The following MRPL19 variants were observed in gnomAD, a reference collection of about 807,000 sequenced individuals.
MRPL19 encodes mitochondrial ribosomal protein L19.
A neutral mutation model predicts 34.0 loss-of-function variants in MRPL19; 31 were observed. The ratio of observed to expected loss-of-function variants is 0.91; its 90% CI spans 0.68 to 1.23. The LOEUF (loss-of-function observed/expected upper bound fraction) is 1.23. Ranked by LOEUF, MRPL19 falls within the 50% of genes most tolerant of loss-of-function variation. The pLI, the probability that MRPL19 is intolerant of heterozygous loss-of-function variation, is 0.00. For synonymous variants in MRPL19, 152 were observed against 127.7 expected (o/e 1.19, Z -1.28); for missense variants, 384 against 367.6 (o/e 1.04, Z -0.37).
In MRPL19 at chr2:75,661,931, A is replaced by G. The variant is rs1344040069; in HGVS notation, c.*6646A>G. 6.6e-6 allele frequency: 1 copy of G among 152,138 alleles called. No homozygotes were observed. Among genetic ancestry groups the G allele is most frequent in the Non-Finnish European group, 1.5e-5 (1 of 68,022 alleles). The allele number at this position is 152,138 out of a possible 1,614,324, so 9.4% of individuals were successfully genotyped here. ...TGAGAGCAGACATCCTTGCTTTAAT[A>G]TTTCACCATTATATATGATGTTAGG... On this transcript the variant is annotated 3_prime_UTR_variant, in exon 6 of 6. Transcript: ENST00000393909.
At chr2:75,649,370 C>T (rs542532495) in intron 2 of MRPL19, among the ~76,000 whole-genome samples, 2 of 152,192 alleles carry the variant, frequency 1.3e-5, no homozygotes, top group South Asian at 2.1e-4. Flanking sequence ...TGTGGCCCAA[C>T]ACAAATCTGT....
chr2:75,660,083 CTTT>C lies in MRPL19; in HGVS notation c.*4801_*4803del, dbSNP rs914997553. On this transcript the variant is annotated 3_prime_UTR_variant, in exon 6 of 6. Transcript: ENST00000393909. ...AGACTTGATTATTGCAGTTGCCCTT[CTTT>C]TTATTTTTTTCAAGTTTGTTGATTC... Among the ~76,000 whole-genome samples, 7 of 151,870 alleles carry C rather than the reference CTTT, an allele frequency of 4.6e-5. No homozygotes were observed. The highest frequency in any genetic ancestry group is 2.1e-4 in the South Asian group (1 of 4,812).
At position 75,658,475 on chromosome 2, in the gene MRPL19, T is replaced by A. The variant is rs1312489855; in HGVS notation, c.*3190T>A. ...CTGCAGTAAACATTGACATAACAAG[T>A]ATGTATTTGATTGCCTGTTTCTAAG... On this transcript the variant is annotated 3_prime_UTR_variant, in exon 6 of 6. Transcript: ENST00000393909. 6.6e-6 allele frequency among the ~76,000 whole-genome samples: 1 copy of A among 152,184 alleles called. No homozygotes were observed.
intron 1 of MRPL19, 80 bp downstream of exon 1, chr2:75,646,990 G>A: frequency 6.7e-7 from 1 of 1,484,084 alleles, no homozygotes; most frequent in Non-Finnish European, 9.0e-7. Context: ...GGAGATCAGA[G>A]GCAACCCCAG....
intron 3 of MRPL19, 111 bp downstream of exon 3, chr2:75,652,371 T>C (rs1678351602): frequency 2.3e-6 from 3 of 1,280,284 alleles, no homozygotes; most frequent in Middle Eastern, 2.0e-4. Flanking sequence ...ATATCTGGGT[T>C]ATGCTCATAT....
At chr2:75,654,695 G>T (rs777986984) in intron 4 of MRPL19, 41 bp from the exon 5 acceptor site, 3 of 1,585,362 alleles carry the variant, frequency 1.9e-6, no homozygotes, top group South Asian at 2.3e-5. Context: ...GTATAGGAAC[G>T]TGGACTTAGA....
chr2:75,648,273 A>G (rs1678261793), intron 2 of MRPL19, among the ~76,000 whole-genome samples: 1 of 152,178 alleles, frequency 6.6e-6, no homozygotes, highest in Non-Finnish European at 1.5e-5. Context: ...ACTAAGTTTA[A>G]GTTGTGTATA....
At chr2:75,653,096 T>A (rs1678366093) in intron 4 of MRPL19, among the ~76,000 whole-genome samples, 1 of 152,212 alleles carries the variant, frequency 6.6e-6, no homozygotes, top group South Asian at 2.1e-4. Flanking sequence ...CTGTCTTATA[T>A]GACTTGGGAG....
chr2:75,653,372 G>A (rs1293854219), intron 4 of MRPL19, among the ~76,000 whole-genome samples: 1 of 152,194 alleles, frequency 6.6e-6, no homozygotes, highest in Admixed American at 6.5e-5. Flanking sequence ...CTTCAATCTG[G>A]TCAAATACTT....
chr2:75,648,321 C>G (rs1289571132), intron 2 of MRPL19, among the ~76,000 whole-genome samples: 1 of 152,034 alleles, frequency 6.6e-6, no homozygotes, highest in Non-Finnish European at 1.5e-5. Context: ...AAACTCCTAA[C>G]GTGTATGTAC....
At position 75,652,518 on chromosome 2, in the gene MRPL19, T is replaced by C. The variant is rs1214842475; in HGVS notation, c.341-5T>C. On this transcript the variant is annotated splice_region_variant and splice_polypyrimidine_tract_variant and intron_variant, in intron 3 of 5. Coordinates refer to ENST00000393909, the MANE Select transcript of MRPL19 (RefSeq NM_014763.4). ...AAAAAGTTCACTTCTCTTTTGAATT[T>C]GTAGGAAGTATTCTTCGTGTTACTA... is the stretch of plus-strand genomic sequence containing the variant. 42 of 1,607,618 alleles carry C rather than the reference T, an allele frequency of 2.6e-5. No individual in the cohort carries two copies. Among genetic ancestry groups the C allele is most frequent in the Non-Finnish European group, 3.4e-5 (40 of 1,178,088 alleles).
rs1678469384 is a variant in MRPL19, at chr2:75,656,994, C to T, written c.*1709C>T. The T allele has an allele frequency of 6.6e-6, 1 of 152,084 alleles. No homozygotes were observed. The highest frequency in any genetic ancestry group is 2.1e-4 in the South Asian group (1 of 4,822). The allele number at this position is 152,084 out of a possible 1,614,324, so 9.4% of individuals were successfully genotyped here. A position where few individuals can be genotyped will look rare whatever the true frequency, so the allele number is the denominator to read the frequency against. On this transcript the variant is annotated 3_prime_UTR_variant, in exon 6 of 6. Transcript: ENST00000393909. ...ATTGTATTTTAAAATCTTAAGACCC[C>T]TTCTTGATTTGTAGAAGTTCCTTTT...
At chr2:75,649,918 T>C (rs1678297186) in intron 2 of MRPL19, among the ~76,000 whole-genome samples, 1 of 152,186 alleles carries the variant, frequency 6.6e-6, no homozygotes, top group Non-Finnish European at 1.5e-5. Flanking sequence ...AGACGTAAGC[T>C]ACCACACCTG....
intron 4 of MRPL19, among the ~76,000 whole-genome samples, chr2:75,654,329 A>AATT (rs1390280437): frequency 6.6e-6 from 1 of 152,144 alleles, no homozygotes; most frequent in Non-Finnish European, 1.5e-5. Context: ...GGAACTTAAT[A>AATT]TTTTACTTCT....
intron 2 of MRPL19, among the ~76,000 whole-genome samples, chr2:75,649,997 C>T (rs948259203): frequency 2.6e-5 from 4 of 151,946 alleles, no homozygotes; most frequent in Non-Finnish European, 5.9e-5. Flanking sequence ...AAAATTTTAG[C>T]AGTTGGTAAA....
At chr2:75,646,976 A>T (rs905542696) in intron 1 of MRPL19, 66 bp downstream of exon 1, 2 of 1,493,386 alleles carry the variant, frequency 1.3e-6, no homozygotes, top group African/African-American at 2.8e-5. Flanking sequence ...GGGGAGGCGA[A>T]CCTGGAGATC....
In MRPL19 at chr2:75,660,844, TA is replaced by T. The variant is rs1407240717; in HGVS notation, c.*5562del. On this transcript the variant is annotated 3_prime_UTR_variant, in exon 6 of 6. Transcript: ENST00000393909. ...CTTGCTGTGTATGCACGTAGTTTTCTAAATCTCCCTGTATGTGCTGTTGAAT... is the reference window on the plus strand; with the variant it reads ...CTTGCTGTGTATGCACGTAGTTTTCTAATCTCCCTGTATGTGCTGTTGAAT... 1 of 152,254 alleles carries T rather than the reference TA, an allele frequency of 6.6e-6. No homozygotes were observed. The highest frequency in any genetic ancestry group is 1.5e-5 in the Non-Finnish European group (1 of 68,050). The allele number at this position is 152,254 out of a possible 1,614,324, so 9.4% of individuals were successfully genotyped here.
rs1435263092 is a variant in MRPL19, at chr2:75,659,368, G to T, written c.*4083G>T. Among the ~76,000 whole-genome samples, 8 of 152,084 alleles carry T rather than the reference G, an allele frequency of 5.3e-5. No homozygotes were observed. The highest frequency in any genetic ancestry group is 1.7e-4 in the African/African-American group (7 of 41,432). Reference sequence around the variant, plus strand: ...AATTTATAGTTATTTGTATGAGTTTGTCTTTTAAATCATTTAGGAAATAAA... The same window carrying T: ...AATTTATAGTTATTTGTATGAGTTTTTCTTTTAAATCATTTAGGAAATAAA... On this transcript the variant is annotated 3_prime_UTR_variant, in exon 6 of 6. Coordinates refer to ENST00000393909, the MANE Select transcript of MRPL19 (RefSeq NM_014763.4).
rs1343747485 is a variant in MRPL19 at position 75,658,777 on chromosome 2, A to G, written c.*3492A>G. Among the ~76,000 whole-genome samples the G allele has an allele frequency of 6.6e-6, 1 of 152,078 alleles. No individual in the cohort carries two copies. Among genetic ancestry groups the G allele is most frequent in the East Asian group, 1.9e-4 (1 of 5,200 alleles). On this transcript the variant is annotated 3_prime_UTR_variant, in exon 6 of 6. Transcript: ENST00000393909. Reference sequence around the variant, plus strand: ...ACTTGAGCAAAATATTTATCATGCTATTGTTGACTGTAGTTTTCTATATGT... The same window carrying G: ...ACTTGAGCAAAATATTTATCATGCTGTTGTTGACTGTAGTTTTCTATATGT...
Sources: gnomAD v4.1 joint callset for allele counts (sites outside exome capture counted in the v4.1 genomes callset) on GRCh38, gnomAD v4.1.1 for gene constraint, MANE v1.5 for transcripts, NCBI Gene and HGNC (gene_info 2026-07-23, HGNC 2026-07-21) for gene names.